Variants in LINGO2 observed in about 807,000 individuals in gnomAD.
LINGO2 encodes leucine-rich repeat and immunoglobulin-like domain-containing nogo receptor-interacting protein 2.
A neutral mutation model predicts 30.6 loss-of-function variants in LINGO2; 14 were observed. The observed-to-expected ratio is 0.46, with a 90% CI of 0.30 to 0.72. LINGO2 has a LOEUF of 0.72. LINGO2 is among the 30% of genes least tolerant of loss of function. The pLI is 0.07. For synonymous variants in LINGO2, 317 were observed against 288.5 expected (o/e 1.10, Z -1.00); for missense variants, 729 against 751.7 (o/e 0.97, Z 0.35).
At chr9:28,629,217 C>T (rs1256482269) in intron 1 of LINGO2, among the ~76,000 whole-genome samples, 1 of 151,982 alleles carries the variant, frequency 6.6e-6, no homozygotes, top group Non-Finnish European at 1.5e-5. Context: ...TGTGCCGCTC[C>T]TGCTCAAATC....
the LINGO2 span, among the ~76,000 whole-genome samples, chr9:29,077,976 G>T: frequency 1.3e-5 from 2 of 151,934 alleles, no homozygotes; most frequent in African/African-American, 4.8e-5. Context: ...ATATCCAAAT[G>T]ATTGCTTTTG....
At chr9:28,041,782 G>A (rs1824206599) in intron 4 of LINGO2, among the ~76,000 whole-genome samples, 1 of 152,078 alleles carries the variant, frequency 6.6e-6, no homozygotes, top group South Asian at 2.1e-4. Context: ...CCTTTTCCAT[G>A]ACACCTTACC....
At chr9:28,330,627 A>C (rs1825384584) in intron 3 of LINGO2, among the ~76,000 whole-genome samples, 1 of 152,156 alleles carries the variant, frequency 6.6e-6, no homozygotes, top group Admixed American at 6.6e-5. Context: ...GCTCTGAAAC[A>C]CTTGATTCAC....
chr9:28,055,722 A>G (rs1824903106), intron 4 of LINGO2, among the ~76,000 whole-genome samples: 1 of 152,190 alleles, frequency 6.6e-6, no homozygotes, highest in Admixed American at 6.6e-5. Flanking sequence ...AATTCTTTAA[A>G]AGATATGTAC....
chr9:28,399,939 C>T (rs1209951906), intron 2 of LINGO2, among the ~76,000 whole-genome samples: 4 of 152,068 alleles, frequency 2.6e-5, no homozygotes, highest in African/African-American at 9.7e-5. Context: ...TTAACTAATA[C>T]CATACTTGAA....
At chr9:29,078,397 A>G in the LINGO2 span, among the ~76,000 whole-genome samples, 2 of 151,978 alleles carry the variant, frequency 1.3e-5, no homozygotes, top group African/African-American at 2.4e-5. Context: ...TAAAAATCTT[A>G]TATTTCATGT....
At chr9:29,074,651 C>A in the LINGO2 span, among the ~76,000 whole-genome samples, 77 of 148,624 alleles carry the variant, frequency 5.2e-4, no homozygotes, top group African/African-American at 1.8e-3. Context: ...ATAAGTTACA[C>A]ATGCTCTTGA....
At chr9:28,996,112 T>C in the LINGO2 span, among the ~76,000 whole-genome samples, 2 of 121,348 alleles carry the variant, frequency 1.6e-5, no homozygotes, top group South Asian at 2.8e-4. Context: ...GATTTATATA[T>C]TGCTTTAAAA....
chr9:28,339,852 C>A (rs778303250), intron 3 of LINGO2, among the ~76,000 whole-genome samples: 2 of 152,126 alleles, frequency 1.3e-5, no homozygotes, highest in Non-Finnish European at 2.9e-5. Flanking sequence ...GTGAAAAATT[C>A]TGGACAACTC....
At chr9:29,173,702 G>T in the LINGO2 span, among the ~76,000 whole-genome samples, 1 of 152,072 alleles carries the variant, frequency 6.6e-6, no homozygotes, top group African/African-American at 2.4e-5. Flanking sequence ...TAAGTGTCAT[G>T]AAGAAAGAAT....
At chr9:28,700,628 C>T in the LINGO2 span, among the ~76,000 whole-genome samples, 10 of 152,032 alleles carry the variant, frequency 6.6e-5, no homozygotes, top group Admixed American at 1.3e-4. Context: ...TGTGTGTATG[C>T]GTATGTACAA....
the LINGO2 span, among the ~76,000 whole-genome samples, chr9:29,117,157 A>G: frequency 6.6e-6 from 1 of 152,302 alleles, no homozygotes; most frequent in Non-Finnish European, 1.5e-5. Context: ...ATTTTGTAAT[A>G]GTAATTGTAA....
At chr9:28,552,087 T>A (rs933917442) in intron 1 of LINGO2, among the ~76,000 whole-genome samples, 2 of 152,060 alleles carry the variant, frequency 1.3e-5, no homozygotes, top group African/African-American at 2.4e-5. Context: ...TGCCCCCATA[T>A]CCCATATATC....
the LINGO2 span, among the ~76,000 whole-genome samples, chr9:29,147,440 T>G: frequency 1.6e-4 from 25 of 152,250 alleles, no homozygotes; most frequent in East Asian, 4.4e-3. Flanking sequence ...AGGAAAAGCA[T>G]TCTCCTTTTG....
chr9:28,074,217 C>A (rs866089232), intron 4 of LINGO2, among the ~76,000 whole-genome samples: 1 of 152,148 alleles, frequency 6.6e-6, no homozygotes, highest in Non-Finnish European at 1.5e-5. Flanking sequence ...GTAAGACCAA[C>A]CTTGACTTCA....
chr9:28,769,504 ATATATATATATATATTTTT>A, the LINGO2 span, among the ~76,000 whole-genome samples: 1 of 3,356 alleles, frequency 3.0e-4, no homozygotes, highest in African/African-American at 8.1e-4. Flanking sequence ...ATATATATAT[ATATATATATATATATTTTT>A]TTTTTTTTTT....
chr9:29,081,403 A>G, the LINGO2 span, among the ~76,000 whole-genome samples: 1 of 152,184 alleles, frequency 6.6e-6, no homozygotes, highest in Non-Finnish European at 1.5e-5. Context: ...ATAAACGCTC[A>G]ATAAATTAGG....
At chr9:28,734,558 T>A in the LINGO2 span, among the ~76,000 whole-genome samples, 1 of 152,130 alleles carries the variant, frequency 6.6e-6, no homozygotes, top group African/African-American at 2.4e-5. Context: ...TTTCCCAAGG[T>A]CATACAGCTG....
rs574408077 is a variant in LINGO2, at chr9:28,179,862, C to G, written c.-87+115346G>C. Among the ~76,000 whole-genome samples, 256 of 151,762 alleles carry G rather than the reference C, an allele frequency of 1.7e-3. 1 individual carries two copies. The highest frequency in any genetic ancestry group is 5.0e-3 in the African/African-American group (209 of 41,414). On this transcript the variant is annotated intron_variant, in intron 4 of 5. Transcript: ENST00000379992. The stretch of plus-strand genomic sequence containing the variant: ...CTGTAGTTTCTGAGTGCCTGTTAAG[C>G]AGGTTTGTGCAGCTAAAACTCTGGT...
Sources: allele counts gnomAD v4.1 joint callset (sites outside exome capture counted in the v4.1 genomes callset), GRCh38; gene constraint gnomAD v4.1.1; transcripts MANE v1.5; gene names NCBI Gene and HGNC (gene_info 2026-07-23, HGNC 2026-07-21).